Variants in CTNNA2 observed in about 807,000 individuals in gnomAD.
CTNNA2 encodes the protein catenin alpha 2.
CTNNA2 carries 42 observed loss-of-function variants against 101.0 expected under a neutral mutation model. That is an observed-to-expected ratio of 0.42 (90% CI 0.32 to 0.54). CTNNA2 has a LOEUF of 0.54. CTNNA2 is among the 20% of genes least tolerant of loss of function. The pLI is 0.14. For missense variants in CTNNA2, 871 were observed against 1,223.1 expected, an observed-to-expected ratio of 0.71 and a Z score of 4.29; for synonymous variants, 450 against 456.4, an observed-to-expected ratio of 0.99 and a Z score of 0.18.
intron 2 of CTNNA2, among the ~76,000 whole-genome samples, chr2:79,684,131 G>A (rs917316498): frequency 2.0e-5 from 3 of 152,168 alleles, no homozygotes; most frequent in Admixed American, 6.5e-5. Flanking sequence ...CACACTTATT[G>A]CACCTGTGGC....
chr2:80,213,996 G>A (rs1245150532), intron 7 of CTNNA2, among the ~76,000 whole-genome samples: 1 of 151,988 alleles, frequency 6.6e-6, no homozygotes, highest in Non-Finnish European at 1.5e-5. Flanking sequence ...TTTGATCTTT[G>A]TTGGTTTAAA....
At chr2:79,958,945 C>G (rs1012190716) in intron 7 of CTNNA2, among the ~76,000 whole-genome samples, 1 of 152,148 alleles carries the variant, frequency 6.6e-6, no homozygotes, top group Non-Finnish European at 1.5e-5. Flanking sequence ...ACAGCTGGAT[C>G]CTGATAAAAG....
chr2:80,141,457 G>A (rs1703005770), intron 7 of CTNNA2, among the ~76,000 whole-genome samples: 1 of 152,062 alleles, frequency 6.6e-6, no homozygotes, highest in Admixed American at 6.6e-5. Flanking sequence ...GTGAGGGAGG[G>A]AGAAACATTA....
chr2:79,838,209 G>A (rs886892228), intron 3 of CTNNA2, among the ~76,000 whole-genome samples: 12 of 152,106 alleles, frequency 7.9e-5, no homozygotes, highest in African/African-American at 2.9e-4. Context: ...AGGATTTAAT[G>A]AAAGTTGAGG....
At chr2:79,793,878 ACACACTCATG>A (rs1252624761) in intron 3 of CTNNA2, among the ~76,000 whole-genome samples, 3 of 133,792 alleles carry the variant, frequency 2.2e-5, no homozygotes, top group African/African-American at 6.4e-5. Flanking sequence ...CCACACACAC[ACACACTCATG>A]CACACACACA....
chr2:80,264,167 G>A (rs1672827116), intron 7 of CTNNA2, among the ~76,000 whole-genome samples: 1 of 152,028 alleles, frequency 6.6e-6, no homozygotes, highest in African/African-American at 2.4e-5. Flanking sequence ...GGAGTATTTT[G>A]GAGAACATCA....
chr2:80,437,986 G>A (rs1016228089), intron 9 of CTNNA2, among the ~76,000 whole-genome samples: 2 of 151,810 alleles, frequency 1.3e-5, no homozygotes, highest in Non-Finnish European at 2.9e-5. Context: ...TCCAGACTGG[G>A]CAACAAGAGC....
chr2:79,809,938 A>G lies in CTNNA2; in HGVS notation c.299-48075A>G, dbSNP rs78112112. ...TCCTGAAGGAAGCACTAAATACGGA[A>G]AGGAAAAACCAGTACCAGCCACTGC... On this transcript the variant is annotated intron_variant, in intron 3 of 18. Transcript: ENST00000402739. 5.5e-4 allele frequency among the ~76,000 whole-genome samples: 84 copies of G among 152,256 alleles called. 1 individual carries two copies. The East Asian group carries it at 0.015, about 27-fold the overall frequency.
intron 1 of CTNNA2, among the ~76,000 whole-genome samples, chr2:79,638,047 C>T (rs1680197840): frequency 6.6e-6 from 1 of 152,144 alleles, no homozygotes; most frequent in African/African-American, 2.4e-5. Context: ...AGTGATTGAC[C>T]AAGGACTCCC....
intron 7 of CTNNA2, among the ~76,000 whole-genome samples, chr2:80,137,621 C>T (rs1021541082): frequency 6.6e-6 from 1 of 152,042 alleles, no homozygotes; most frequent in African/African-American, 2.4e-5. Context: ...GAAAGGTGCT[C>T]TCAGGCAATG....
intron 11 of CTNNA2, among the ~76,000 whole-genome samples, chr2:80,548,828 C>T (rs1692318869): frequency 6.6e-6 from 1 of 152,188 alleles, no homozygotes; most frequent in South Asian, 2.1e-4. Flanking sequence ...TACAGCCAAA[C>T]ATTTACATAA....
At position 79,848,866 on chromosome 2, in the gene CTNNA2, G is replaced by A. The variant is rs556880452; in HGVS notation, c.299-9147G>A. ...TGGCTATAGTGGGATTTTGTTAGGT[G>A]AGGAGAGTTTGATTTGCTGGTGTCA... On this transcript the variant is annotated intron_variant, in intron 3 of 18. Coordinates refer to ENST00000402739, the MANE Select transcript of CTNNA2 (RefSeq NM_001282597.3). Among the ~76,000 whole-genome samples the A allele has an allele frequency of 1.7e-4, 26 of 152,272 alleles. No homozygotes were observed. In the South Asian group the frequency reaches 3.5e-3, roughly 21 times the overall value.
In CTNNA2 at chr2:79,465,834, A is replaced by G. The variant is rs113980165; in HGVS notation, c.-134-39220A>G. Among the ~76,000 whole-genome samples the G allele has an allele frequency of 4.9e-3, 745 of 152,304 alleles. 6 individuals carry two copies. The highest frequency in any genetic ancestry group is 0.016 in the African/African-American group (682 of 41,556). On this transcript the variant is annotated intron_variant, in intron 4 of 21. Coordinates refer to the CTNNA2 transcript ENST00000466387. The stretch of plus-strand genomic sequence containing the variant: ...TGTGATTTTTGCACATTGATTTTGT[A>G]TCCTGAGACTTTGCTGAATTTGCTT...
chr2:79,885,435 T>C (rs1204814334), intron 6 of CTNNA2, among the ~76,000 whole-genome samples: 4 of 152,202 alleles, frequency 2.6e-5, no homozygotes, highest in Non-Finnish European at 4.4e-5. Context: ...GGCTCATGGA[T>C]TCTTAATATG....
intron 3 of CTNNA2, among the ~76,000 whole-genome samples, chr2:79,848,428 G>A (rs1473952729): frequency 6.6e-6 from 1 of 152,152 alleles, no homozygotes; most frequent in Non-Finnish European, 1.5e-5. Context: ...TTTATGGAAT[G>A]TGGCTATTGC....
intron 2 of CTNNA2, among the ~76,000 whole-genome samples, chr2:79,699,395 T>TAG (rs1365038747): frequency 1.3e-5 from 2 of 152,062 alleles, no homozygotes; most frequent in Non-Finnish European, 2.9e-5. Flanking sequence ...ACATAGATGA[T>TAG]AGATAAGTGG....
intron 9 of CTNNA2, among the ~76,000 whole-genome samples, chr2:80,543,746 T>A (rs1190117807): frequency 2.0e-5 from 3 of 152,170 alleles, no homozygotes; most frequent in Admixed American, 6.5e-5. Flanking sequence ...TTAGGAACTA[T>A]AAGCATGGGT....
chr2:80,499,550 T>C (rs1687716259), intron 9 of CTNNA2, among the ~76,000 whole-genome samples: 1 of 151,978 alleles, frequency 6.6e-6, no homozygotes, highest in Non-Finnish European at 1.5e-5. Context: ...TGGCCAGGTA[T>C]GGTGGTTCAT....
rs137995811 is a variant in CTNNA2 at position 80,314,909 on chromosome 2, A to G, written c.1057-78302A>G. Among the ~76,000 whole-genome samples the G allele has an allele frequency of 8.0e-3, 1,218 of 152,342 alleles. 36 individuals carry two copies. The highest frequency in any genetic ancestry group is 0.056 in the Admixed American group (855 of 15,302). On this transcript the variant is annotated intron_variant, in intron 7 of 18. Coordinates refer to ENST00000402739, the MANE Select transcript of CTNNA2 (RefSeq NM_001282597.3). ...ATTTGAGACATCTAATAACATTGTG[A>G]AAAGCATTTTCAAATTTCTGACTTC... is the stretch of plus-strand genomic sequence containing the variant.
Sources: allele counts gnomAD v4.1 joint callset (sites outside exome capture counted in the v4.1 genomes callset), GRCh38; gene constraint gnomAD v4.1.1; transcripts MANE v1.5; gene names NCBI Gene and HGNC (gene_info 2026-07-23, HGNC 2026-07-21).